Variants in RIPOR2 observed in about 807,000 individuals in gnomAD.
RIPOR2 encodes the protein RHO family interacting cell polarization regulator 2, also known as rho family-interacting cell polarization regulator 2.
RIPOR2 carries 39 observed loss-of-function variants against 114.5 expected under a neutral mutation model. The ratio of observed to expected loss-of-function variants is 0.34; its 90% CI spans 0.26 to 0.44. RIPOR2 has a LOEUF of 0.44. Ranked by LOEUF, RIPOR2 falls within the 20% of genes least tolerant of loss-of-function variation. The pLI, the probability that RIPOR2 is intolerant of heterozygous loss-of-function variation, is 1.00. For synonymous variants in RIPOR2, 445 were observed against 484.4 expected, an observed-to-expected ratio of 0.92 and a Z score of 1.07; for missense variants, 1,007 against 1,255.1, an observed-to-expected ratio of 0.80 and a Z score of 2.99.
rs369808356 is a variant in RIPOR2 at position 24,911,025 on chromosome 6, C to G, written c.61+24813G>C. 2,011 of 974,574 alleles carry G rather than the reference C, an allele frequency of 2.1e-3. 13 individuals are homozygous for G. The highest frequency in any genetic ancestry group is 0.02 in the South Asian group (430 of 21,308). 60.4% of individuals were successfully genotyped at this position (974,574 alleles called of 1,614,324 possible). ...CGCCGGCTGCCCTGCCGCGTCCGCT[C>G]GCAGCAGCTGCGGCGCGCGGGGTGA... On this transcript the variant is annotated intron_variant, in intron 1 of 21. Transcript: ENST00000643898.
intron 8 of RIPOR2, among the ~76,000 whole-genome samples, chr6:24,857,209 T>C (rs1249274804): frequency 6.6e-6 from 1 of 152,236 alleles, no homozygotes; most frequent in Non-Finnish European, 1.5e-5. Flanking sequence ...CTTTGAGGCC[T>C]GGCCAGGTTT....
chr6:24,902,072 G>C (rs138544712), intron 1 of RIPOR2, among the ~76,000 whole-genome samples: 1 of 152,300 alleles, frequency 6.6e-6, no homozygotes, highest in East Asian at 1.9e-4. Context: ...AAGGAGGCCT[G>C]TGCAGAAGAG....
upstream of RIPOR2, among the ~76,000 whole-genome samples, chr6:24,940,529 CCA>C (rs1037640283): frequency 2.0e-5 from 3 of 152,112 alleles, no homozygotes; most frequent in Admixed American, 6.5e-5. Flanking sequence ...GTGAAAAAAA[CCA>C]CAGAGTCAGA....
chr6:24,906,193 G>C (rs1329045354), intron 1 of RIPOR2, among the ~76,000 whole-genome samples: 1 of 152,024 alleles, frequency 6.6e-6, no homozygotes, highest in African/African-American at 2.4e-5. Context: ...CCTACCTTCA[G>C]TCTAGATCTT....
At chr6:24,969,877 C>T (rs1404936159) in intron 1 of RIPOR2, among the ~76,000 whole-genome samples, 1 of 152,158 alleles carries the variant, frequency 6.6e-6, no homozygotes, top group Non-Finnish European at 1.5e-5. Flanking sequence ...TACCAGATGC[C>T]GCCTCCTAAA....
rs1235192767 is a variant in RIPOR2, at chr6:24,825,397, T to C, written c.2697A>G (p.Arg899=). The C allele has an allele frequency of 6.4e-7, 1 of 1,552,210 alleles. No homozygotes were observed. Among genetic ancestry groups the C allele is most frequent in the South Asian group, 1.2e-5 (1 of 84,064 alleles). The part of the protein sequence containing the change: ...VSMVQTLQSL[R]DEKLLQTMSD... ...TCATGGTTTGTAGCAGTTTTTCATC[T>C]CTTAGTGATTGCAGAGTCTGAACCA... is the stretch of plus-strand genomic sequence containing the variant. The change falls in exon 19 of 22, where the codon AGA becomes AGG. Residue 899 remains arginine, a synonymous_variant. Transcript: ENST00000643898.
At chr6:24,888,958 G>C (rs1767078372) in intron 1 of RIPOR2, among the ~76,000 whole-genome samples, 1 of 152,150 alleles carries the variant, frequency 6.6e-6, no homozygotes, top group African/African-American at 2.4e-5. Flanking sequence ...TGAAGGTAAA[G>C]CAACGGACTT....
chr6:24,828,248 G>A lies in RIPOR2; in HGVS notation c.2554C>T (p.Leu852Phe), dbSNP rs1319410726. Reference sequence around the variant, plus strand: ...ACTTCCGAGGACAGGCTGGAGGAAAGCAGAGGCTCAGCCCGGTCCAGAATT... The same window carrying A: ...ACTTCCGAGGACAGGCTGGAGGAAAACAGAGGCTCAGCCCGGTCCAGAATT... ...SQILDRAEPL[L>F]SSSLSSEVVT... is the part of the protein sequence containing the mutation. Residue 852 changes from leucine (L) to phenylalanine (F), a missense_variant, in exon 18 of 22, where the codon CTT becomes TTT. Leu to Phe is a conservative substitution (Grantham distance 22). Coordinates refer to ENST00000643898, the MANE Select transcript of RIPOR2 (RefSeq NM_001286445.3). The A allele has an allele frequency of 1.3e-6, 2 of 1,551,152 alleles. No homozygotes were observed. Among genetic ancestry groups the A allele is most frequent in the African/African-American group, 1.4e-5 (1 of 73,014 alleles).
intron 1 of RIPOR2, among the ~76,000 whole-genome samples, chr6:24,887,294 C>T (rs868738898): frequency 3.3e-5 from 5 of 152,144 alleles, no homozygotes; most frequent in African/African-American, 7.2e-5. Context: ...CTCTGATGCT[C>T]GGTACAGGGT....
rs370481984 is a variant in RIPOR2, at chr6:24,874,255, T to C, written c.189-456A>G. 6.6e-4 allele frequency among the ~76,000 whole-genome samples: 100 copies of C among 152,270 alleles called. 5 individuals are homozygous for C. In the South Asian group the frequency reaches 0.019, roughly 29 times the overall value. On this transcript the variant is annotated intron_variant, in intron 2 of 21. Coordinates refer to ENST00000643898, the MANE Select transcript of RIPOR2 (RefSeq NM_001286445.3). ...TTCAGGCAATCCTCCTGCTGTGGCC[T>C]CTCAAAGTGCTGGGATAATTTTTTA...
chr6:24,895,978 G>A (rs757919833), intron 1 of RIPOR2, among the ~76,000 whole-genome samples: 1 of 152,124 alleles, frequency 6.6e-6, no homozygotes, highest in Non-Finnish European at 1.5e-5. Context: ...GGAACAGAGC[G>A]AGACTCCGTC....
chr6:24,837,390 G>A (rs1190466501), intron 14 of RIPOR2, among the ~76,000 whole-genome samples: 1 of 152,080 alleles, frequency 6.6e-6, no homozygotes, highest in East Asian at 1.9e-4. Flanking sequence ...AAAGTGCTGG[G>A]ATTACAGGAG....
At chr6:24,850,482 G>A (rs1762778720) in intron 10 of RIPOR2, 115 bp downstream of exon 10, 1 of 1,084,046 alleles carries the variant, frequency 9.2e-7, no homozygotes, top group African/African-American at 1.5e-5. Context: ...ATAGACTTGT[G>A]CAGAAAAGTC....
chr6:24,949,953 G>A (rs1393880585), intron 1 of RIPOR2, among the ~76,000 whole-genome samples: 1 of 152,232 alleles, frequency 6.6e-6, no homozygotes, highest in Admixed American at 6.5e-5. Flanking sequence ...AGTGAGTGAG[G>A]TGGAGGAAGC....
chr6:24,922,119 C>T (rs988657755), intron 1 of RIPOR2, among the ~76,000 whole-genome samples: 1 of 152,140 alleles, frequency 6.6e-6, no homozygotes, highest in African/African-American at 2.4e-5. Context: ...GCATGAGCCA[C>T]CACGCCTGGC....
chr6:24,924,841 TA>T, intron 1 of RIPOR2, among the ~76,000 whole-genome samples: 1 of 152,148 alleles, frequency 6.6e-6, no homozygotes. Flanking sequence ...GCTTTTTCTG[TA>T]AAAAGCTAGA....
chr6:24,944,167 A>G (rs1772289693), intron 1 of RIPOR2, among the ~76,000 whole-genome samples: 1 of 152,196 alleles, frequency 6.6e-6, no homozygotes, highest in Non-Finnish European at 1.5e-5. Context: ...CTCAGAAAAT[A>G]CTTGAGAAGG....
chr6:24,974,192 T>A (rs1282416107), intron 1 of RIPOR2, among the ~76,000 whole-genome samples: 1 of 152,116 alleles, frequency 6.6e-6, no homozygotes, highest in Non-Finnish European at 1.5e-5. Flanking sequence ...GAGACCAGCC[T>A]GGGTAACATA....
chr6:24,927,415 CTATCACCACCAT>C (rs563638975), intron 1 of RIPOR2, among the ~76,000 whole-genome samples: 157 of 150,982 alleles, frequency 1.0e-3, no homozygotes, highest in African/African-American at 3.6e-3. Context: ...ACAACTATAA[CTATCACCACCAT>C]TATCACCACC....
Sources: gnomAD v4.1 joint callset for allele counts (sites outside exome capture counted in the v4.1 genomes callset) on GRCh38, gnomAD v4.1.1 for gene constraint, MANE v1.5 for transcripts, NCBI Gene and HGNC (gene_info 2026-07-23, HGNC 2026-07-21) for gene names.